Variants in NMRK2 observed in about 807,000 individuals in gnomAD.
The protein encoded by NMRK2 is NRK 2.
In NMRK2, 34 loss-of-function variants were observed where a neutral mutation model predicts 24.7. That is an observed-to-expected ratio of 1.37 (90% CI 1.05 to 1.83). The LOEUF is 1.83. NMRK2 is among the 40% of genes most tolerant of loss of function. NMRK2 has a pLI of 0.00. For missense variants in NMRK2, 341 were observed against 315.0 expected (o/e 1.08, Z -0.62); for synonymous variants, 145 against 125.6 (o/e 1.15, Z -1.03).
At position 3,940,118 on chromosome 19, in the gene NMRK2, A is replaced by C. The variant is rs2145305211; in HGVS notation, c.395+147A>C. 4.4e-6 allele frequency: 3 copies of C among 676,434 alleles called. No homozygotes were observed. In the South Asian group the frequency reaches 5.4e-5, roughly 12 times the overall value. The allele number at this position is 676,434 out of a possible 1,614,324, so 41.9% of individuals were successfully genotyped here. Reference sequence around the variant, plus strand: ...TCCCAGCACTTCCGGAGGCTGAGGCAGGTGGATCACCTGAGGTCAGGAGTT... The same window carrying C: ...TCCCAGCACTTCCGGAGGCTGAGGCCGGTGGATCACCTGAGGTCAGGAGTT... On this transcript the variant is annotated intron_variant, in intron 6 of 7. Coordinates refer to ENST00000168977, the MANE Select transcript of NMRK2 (RefSeq NM_170678.3).
In NMRK2 at chr19:3,940,683, C is replaced by T. The variant is rs1446539174; in HGVS notation, c.396-388C>T. Among the ~76,000 whole-genome samples the T allele has an allele frequency of 2.2e-5, 3 of 137,226 alleles. No homozygotes were observed. The Admixed American group carries it at 2.3e-4, about 10-fold the overall frequency. The allele number at this position is 137,226 out of a possible 152,430, so 90.0% of individuals were successfully genotyped here. A position where few individuals can be genotyped will look rare whatever the true frequency, so the allele number is the denominator to read the frequency against. The stretch of plus-strand genomic sequence containing the variant: ...CCGGGAGGTGGAGGTTGCAGTGAGC[C>T]AAGATCAGGCTACTGTACTCCAACC... On this transcript the variant is annotated intron_variant, in intron 6 of 7. Transcript: ENST00000168977.
chr19:3,940,364 G>A (rs1374259422), intron 6 of NMRK2, among the ~76,000 whole-genome samples: 10 of 144,704 alleles, frequency 6.9e-5, no homozygotes, highest in African/African-American at 1.0e-4. Context: ...AAAAAAAGGC[G>A]GCCAGGCGCG....
At chr19:3,938,791 G>A (rs376176078) in intron 5 of NMRK2, 32 bp downstream of exon 5, 1 of 1,417,414 alleles carries the variant, frequency 7.1e-7, no homozygotes, top group South Asian at 1.4e-5. Flanking sequence ...CCCCAGGCAT[G>A]GCCCTCTCTG....
chr19:3,939,375 G>A (rs62130411), intron 5 of NMRK2, among the ~76,000 whole-genome samples: 14,629 of 151,800 alleles, frequency 0.096, 887 homozygotes, highest in South Asian at 0.25. Context: ...TTAGCCAGGT[G>A]TGGTGGCGTG....
In NMRK2 at chr19:3,942,083, T is replaced by C. The variant is rs763249774; in HGVS notation, c.503T>C (p.Val168Ala). The change falls in exon 8 of 8, where the codon GTC becomes GCC. Residue 168 changes from valine to alanine, a missense_variant and splice_region_variant. By Grantham distance (64) the Val-to-Ala change is moderately conservative. Coordinates refer to ENST00000168977, the MANE Select transcript of NMRK2 (RefSeq NM_170678.3). The stretch of plus-strand genomic sequence containing the variant: ...CCTGACGCAGCCTTTCTGATTTCAG[T>C]CTACCTGGACGGCATGAAGTCCCGA... ...QEMEANGVEVVYLDGMKSREE... is the reference protein window; with the variant it reads ...QEMEANGVEVAYLDGMKSREE... 21 of 1,611,788 alleles carry C rather than the reference T, an allele frequency of 1.3e-5. No homozygotes were observed. In the East Asian group the frequency reaches 4.5e-4, roughly 34 times the overall value.
rs2039342524 is a variant in NMRK2, at chr19:3,942,066, A to G, written c.503-17A>G. ...CCCTTCCTCCCGGCAGCCCTGACGCAGCCTTTCTGATTTCAGTCTACCTGG... is the reference window on the plus strand; with the variant it reads ...CCCTTCCTCCCGGCAGCCCTGACGCGGCCTTTCTGATTTCAGTCTACCTGG... On this transcript the variant is annotated splice_polypyrimidine_tract_variant and intron_variant, in intron 7 of 7. Coordinates refer to ENST00000168977, the MANE Select transcript of NMRK2 (RefSeq NM_170678.3). The G allele has an allele frequency of 6.2e-7, 1 of 1,608,162 alleles. No individual in the cohort carries two copies.
intron 2 of NMRK2, among the ~76,000 whole-genome samples, chr19:3,935,924 G>A (rs896618416): frequency 2.0e-5 from 3 of 151,178 alleles, no homozygotes; most frequent in African/African-American, 7.3e-5. Flanking sequence ...TTCCTTATCT[G>A]TAAACATAGG....
In NMRK2 at chr19:3,933,485, G is replaced by C; in HGVS notation, c.-187G>C. On this transcript the variant is annotated 5_prime_UTR_variant, in exon 2 of 8. Coordinates refer to ENST00000168977, the MANE Select transcript of NMRK2 (RefSeq NM_170678.3). ...TGGAGCTATTTCCATTCGGCGGCGG[G>C]AACAGGTGCCGGCGCCTCCGCCCCA... 5 of 562,846 alleles carry C rather than the reference G, an allele frequency of 8.9e-6. No individual in the cohort carries two copies. In the South Asian group the frequency reaches 1.1e-4, roughly 13 times the overall value. The allele number at this position is 562,846 out of a possible 1,614,324, so 34.9% of individuals were successfully genotyped here. A position where few individuals can be genotyped will look rare whatever the true frequency, so the allele number is the denominator to read the frequency against.
intron 6 of NMRK2, 123 bp downstream of exon 6, chr19:3,940,094 C>G: frequency 1.2e-6 from 1 of 816,766 alleles, no homozygotes; most frequent in Non-Finnish European, 2.0e-6. Context: ...GGGCTGTAAT[C>G]CCAGCACTTC....
chr19:3,940,030 G>A, intron 6 of NMRK2, 59 bp downstream of exon 6: 1 of 1,485,184 alleles, frequency 6.7e-7, no homozygotes, highest in Non-Finnish European at 9.3e-7. Context: ...GAATTACTGG[G>A]TGGAACCAGC....
chr19:3,942,041 C>A (rs370442903), intron 7 of NMRK2, 42 bp from the exon 8 acceptor site: 1 of 1,573,836 alleles, frequency 6.4e-7, no homozygotes, highest in Non-Finnish European at 8.7e-7. Context: ...TGCTCTGGCC[C>A]CCTTCCTCCC....
Position 3,933,487 on chromosome 19 carries a change from A to C in NMRK2, c.-185A>C. On this transcript the variant is annotated 5_prime_UTR_variant, in exon 2 of 8. Coordinates refer to ENST00000168977, the MANE Select transcript of NMRK2 (RefSeq NM_170678.3). ...GAGCTATTTCCATTCGGCGGCGGGA[A>C]CAGGTGCCGGCGCCTCCGCCCCATC... 9.0e-6 allele frequency: 5 copies of C among 552,940 alleles called. No individual in the cohort carries two copies. The highest frequency in any genetic ancestry group is 3.8e-5 in the Admixed American group (1 of 26,480). The allele number at this position is 552,940 out of a possible 1,614,324, so 34.3% of individuals were successfully genotyped here. A position where few individuals can be genotyped will look rare whatever the true frequency, so the allele number is the denominator to read the frequency against.
At chr19:3,936,782 T>C (rs2039222140) in intron 3 of NMRK2, 117 bp downstream of exon 3, 1 of 806,470 alleles carries the variant, frequency 1.2e-6, no homozygotes, top group Admixed American at 2.9e-5. Flanking sequence ...CTGGCTCCAC[T>C]CCCTGCCTGA....
At chr19:3,937,173 C>T in intron 3 of NMRK2, 67 bp from the exon 4 acceptor site, 1 of 1,548,654 alleles carries the variant, frequency 6.5e-7, no homozygotes, top group Non-Finnish European at 8.9e-7. Context: ...CCTAAGACTC[C>T]ATCACCCAGG....
Position 3,933,641 on chromosome 19 carries a change from G to T in NMRK2, c.-31G>T. 1 of 1,518,634 alleles carries T rather than the reference G, an allele frequency of 6.6e-7. No individual in the cohort carries two copies. The highest frequency in any genetic ancestry group is 8.8e-7 in the Non-Finnish European group (1 of 1,134,778). The allele number at this position is 1,518,634 out of a possible 1,614,324, so 94.1% of individuals were successfully genotyped here. A position where few individuals can be genotyped will look rare whatever the true frequency, so the allele number is the denominator to read the frequency against. On this transcript the variant is annotated 5_prime_UTR_variant, in exon 2 of 8. The change creates a premature stop within an existing upstream ORF in the 5' untranslated region. Coordinates refer to ENST00000168977, the MANE Select transcript of NMRK2 (RefSeq NM_170678.3). ...GTCGCACCCTACCCGGGCTGCCTTG[G>T]AAGTCGTCCCCGCCGCCCCTCCGCA...
intron 4 of NMRK2, 121 bp from the exon 5 acceptor site, chr19:3,938,482 C>T: frequency 1.2e-6 from 1 of 809,544 alleles, no homozygotes; most frequent in Non-Finnish European, 1.8e-6. Context: ...CGGGGTCCAC[C>T]CTCCTGCAAT....
At position 3,936,743 on chromosome 19, in the gene NMRK2, C is replaced by T. The variant is rs2039221505; in HGVS notation, c.117+78C>T. ...GCCAGGCCCGGCCAGCCCCGCCCTC[C>T]ACTGCCCAGTGCCCGTGTGGGCTGG... On this transcript the variant is annotated intron_variant, in intron 3 of 7. Transcript: ENST00000168977. 3.2e-6 allele frequency: 4 copies of T among 1,234,870 alleles called. No homozygotes were observed. In the East Asian group the frequency reaches 7.6e-5, roughly 24 times the overall value. The allele number at this position is 1,234,870 out of a possible 1,614,324, so 76.5% of individuals were successfully genotyped here. A position where few individuals can be genotyped will look rare whatever the true frequency, so the allele number is the denominator to read the frequency against.
Position 3,942,293 on chromosome 19 carries a change from T to C in NMRK2, c.*20T>C, listed in dbSNP as rs755248378. ...ATGTGAGCGTTTCCCTATGGGGGTG[T>C]CTGTACGTAGGAGAGTGGAGGCCCC... On this transcript the variant is annotated 3_prime_UTR_variant, in exon 8 of 8. Transcript: ENST00000168977. 1 of 1,581,986 alleles carries C rather than the reference T, an allele frequency of 6.3e-7. No individual in the cohort carries two copies. The highest frequency in any genetic ancestry group is 8.6e-7 in the Non-Finnish European group (1 of 1,165,716).
In NMRK2 at chr19:3,938,722, A is replaced by ATCC; in HGVS notation, c.294_296dup (p.Leu99dup). 6.2e-7 allele frequency: 1 copy of ATCC among 1,608,382 alleles called. No homozygotes were observed. The highest frequency in any genetic ancestry group is 1.1e-5 in the South Asian group (1 of 90,692). On this transcript the variant is annotated inframe_insertion, in exon 5 of 8. Coordinates refer to ENST00000168977, the MANE Select transcript of NMRK2 (RefSeq NM_170678.3). ...CCAGCCAGAGGCCTCGGACACCCAC[A>ATCC]TCCTCCTCCTGGAAGGCTTCCTGCT...
Sources: allele counts gnomAD v4.1 joint callset (sites outside exome capture counted in the v4.1 genomes callset), GRCh38; gene constraint gnomAD v4.1.1; transcripts MANE v1.5; gene names NCBI Gene and HGNC (gene_info 2026-07-23, HGNC 2026-07-21).